The following THOC1 variants were observed in gnomAD, a reference collection of about 807,000 sequenced individuals.
The protein encoded by THOC1 is THO complex subunit 1.
THOC1 carries 29 observed loss-of-function variants against 97.3 expected under a neutral mutation model. The observed-to-expected ratio is 0.30, with a 90% CI of 0.22 to 0.41. The LOEUF (loss-of-function observed/expected upper bound fraction) is 0.41. THOC1 is among the 10% of genes least tolerant of loss of function. THOC1 has a pLI of 1.00. For missense variants in THOC1, 529 were observed against 761.9 expected, an observed-to-expected ratio of 0.69 and a Z score of 3.60; for synonymous variants, 255 against 257.0, an observed-to-expected ratio of 0.99 and a Z score of 0.07.
At chr18:229,902 T>C (rs1201567173) in intron 11 of THOC1, among the ~76,000 whole-genome samples, 1 of 151,330 alleles carries the variant, frequency 6.6e-6, no homozygotes, top group Non-Finnish European at 1.5e-5. Context: ...TTTCAGTATT[T>C]TCTTCTCTTC....
rs115736845 is a variant in THOC1 at position 232,995 on chromosome 18, C to T, written c.919-6094G>A. ...CAAATAATCTTCTCCCAGTCTGTGC[C>T]TTGTCTTTTTACTTTGCCTACGGTA... On this transcript the variant is annotated intron_variant, in intron 11 of 20. Transcript: ENST00000261600. 6.9e-3 allele frequency among the ~76,000 whole-genome samples: 1,054 copies of T among 152,200 alleles called. 21 individuals are homozygous for T. Among genetic ancestry groups the T allele is most frequent in the African/African-American group, 0.025 (1,022 of 41,528 alleles).
intron 4 of THOC1, among the ~76,000 whole-genome samples, chr18:262,286 G>T (rs1912627911): frequency 6.6e-6 from 1 of 152,148 alleles, no homozygotes; most frequent in Non-Finnish European, 1.5e-5. Context: ...GCTTTTTAAG[G>T]TTAGGCATTT....
intron 9 of THOC1, among the ~76,000 whole-genome samples, chr18:250,484 G>C (rs183709872): frequency 1.2e-4 from 19 of 152,216 alleles, no homozygotes; most frequent in African/African-American, 4.6e-4. Context: ...AGAATGTCTT[G>C]TAACTATTTT....
chr18:231,079 A>G (rs544712485), intron 11 of THOC1, among the ~76,000 whole-genome samples: 7 of 152,228 alleles, frequency 4.6e-5, no homozygotes, highest in Admixed American at 3.3e-4. Flanking sequence ...ATGTCTTTGT[A>G]TCTTGAGCAA....
chr18:222,159 T>C (rs1371174411), intron 17 of THOC1, among the ~76,000 whole-genome samples: 2 of 152,242 alleles, frequency 1.3e-5, no homozygotes, highest in African/African-American at 2.4e-5. Flanking sequence ...CATAACATTC[T>C]TTAATTCTGA....
intron 11 of THOC1, among the ~76,000 whole-genome samples, chr18:232,946 A>T (rs1911535514): frequency 6.6e-6 from 1 of 152,126 alleles, no homozygotes; most frequent in African/African-American, 2.4e-5. Context: ...TTTGAATACT[A>T]ATTTTTCCCG....
At chr18:256,531 A>G (rs942860937) in intron 7 of THOC1, among the ~76,000 whole-genome samples, 6 of 152,230 alleles carry the variant, frequency 3.9e-5, no homozygotes, top group Admixed American at 2.6e-4. Flanking sequence ...ATGAGCAAAG[A>G]AAGTGGTTTC....
At chr18:225,644 C>G (rs1387026396) in intron 12 of THOC1, 2 of 492,670 alleles carry the variant, frequency 4.1e-6, no homozygotes, top group African/African-American at 3.9e-5. Context: ...ATTAATCAAT[C>G]AGATTCACTA....
chr18:260,361 C>T, intron 4 of THOC1, 57 bp from the exon 5 acceptor site: 3 of 1,087,620 alleles, frequency 2.8e-6, no homozygotes, highest in Middle Eastern at 2.3e-4. Context: ...GTAGAATAGC[C>T]TATGAAAAAT....
At chr18:256,465 G>C (rs1339463394) in intron 7 of THOC1, among the ~76,000 whole-genome samples, 1 of 152,212 alleles carries the variant, frequency 6.6e-6, no homozygotes, top group African/African-American at 2.4e-5. Context: ...AGATATGACA[G>C]AATTGCTGCA....
At position 224,071 on chromosome 18, in the gene THOC1, C is replaced by A. The variant is rs1158256167; in HGVS notation, c.1304+13G>T. On this transcript the variant is annotated intron_variant, in intron 16 of 20. Transcript: ENST00000261600. ...TAACTAAGAACATCCCACATGAAGA[C>A]AAATTCACCTACTTTCCCATCAGAA... 6.4e-7 allele frequency: 1 copy of A among 1,556,152 alleles called. No homozygotes were observed.
intron 11 of THOC1, among the ~76,000 whole-genome samples, chr18:235,990 G>T (rs1412378008): frequency 6.6e-6 from 1 of 152,086 alleles, no homozygotes; most frequent in African/African-American, 2.4e-5. Flanking sequence ...TATTTTGAGG[G>T]TATATTGTTA....
At position 246,387 on chromosome 18, in the gene THOC1, C is replaced by CT; in HGVS notation, c.854dup (p.Met286AspfsTer20). On this transcript the variant is annotated frameshift_variant, in exon 11 of 21. Coordinates refer to ENST00000261600, the MANE Select transcript of THOC1 (RefSeq NM_005131.3). LOFTEE classifies it high-confidence loss of function. Reference sequence around the variant, plus strand: ...CTCCTCCTGTTTTCAATTCTTCCATCTTTTTTCTTGAGGCCTGAGTATCAT... The same window carrying CT: ...CTCCTCCTGTTTTCAATTCTTCCATCTTTTTTTCTTGAGGCCTGAGTATCAT... 6.2e-7 allele frequency: 1 copy of CT among 1,604,802 alleles called. No individual in the cohort carries two copies. The highest frequency in any genetic ancestry group is 1.1e-5 in the South Asian group (1 of 90,414).
Position 243,871 on chromosome 18 carries a change from C to CT in THOC1, c.918+2452dup, listed in dbSNP as rs970299579. Among the ~76,000 whole-genome samples the CT allele has an allele frequency of 6.0e-4, 91 of 152,282 alleles. 1 individual carries two copies. The highest frequency in any genetic ancestry group is 1.8e-3 in the African/African-American group (74 of 41,566). Reference sequence around the variant, plus strand: ...ATAGCTGGAGTTTTAAAAATCCAATCTGATAAAGTCTTATTAGGTATATTA... The same window carrying CT: ...ATAGCTGGAGTTTTAAAAATCCAATCTTGATAAAGTCTTATTAGGTATATTA... On this transcript the variant is annotated intron_variant, in intron 11 of 20. Coordinates refer to ENST00000261600, the MANE Select transcript of THOC1 (RefSeq NM_005131.3).
At chr18:225,444 A>G (rs1262892781) in intron 12 of THOC1, 41 bp from the exon 13 acceptor site, 1 of 1,543,502 alleles carries the variant, frequency 6.5e-7, no homozygotes, top group Non-Finnish European at 8.9e-7. Flanking sequence ...AGTTACAGCA[A>G]TGCATATGCA....
In THOC1 at chr18:214,773, C is replaced by T. The variant is rs1215838101; in HGVS notation, c.1827G>A (p.Met609Ile). The change falls in exon 21 of 21, where the codon ATG becomes ATA. Residue 609 changes from methionine to isoleucine, a missense_variant. Physicochemically the swap from Met to Ile is conservative, Grantham distance 10 (BLOSUM62 1). Coordinates refer to ENST00000261600, the MANE Select transcript of THOC1 (RefSeq NM_005131.3). ...CCAGGAGCTGCTTAGCTCTCATCTT[C>T]ATGTCTTCACTGTCACACTCAATCT... Reference protein sequence around the residue: ...IRQIECDSEDMKMRAKQLLVA... With the variant: ...IRQIECDSEDIKMRAKQLLVA... 6.2e-7 allele frequency: 1 copy of T among 1,613,968 alleles called. No individual in the cohort carries two copies. The highest frequency in any genetic ancestry group is 1.3e-5 in the African/African-American group (1 of 75,040).
intron 12 of THOC1, 42 bp from the exon 13 acceptor site, chr18:225,445 T>G (rs768149815): frequency 5.2e-6 from 8 of 1,543,634 alleles, no homozygotes; most frequent in African/African-American, 1.4e-5. Flanking sequence ...GTTACAGCAA[T>G]GCATATGCAA....
intron 11 of THOC1, among the ~76,000 whole-genome samples, chr18:235,698 A>G (rs1911656172): frequency 6.6e-6 from 1 of 152,156 alleles, no homozygotes; most frequent in Non-Finnish European, 1.5e-5. Flanking sequence ...TTACAGAGAA[A>G]TGTGGCCAGA....
At chr18:227,293 A>G (rs1443932743) in intron 11 of THOC1, among the ~76,000 whole-genome samples, 1 of 152,166 alleles carries the variant, frequency 6.6e-6, no homozygotes, top group Non-Finnish European at 1.5e-5. Flanking sequence ...CAGTCTGAGC[A>G]ACATAGCAAG....
Sources: allele counts gnomAD v4.1 joint callset (sites outside exome capture counted in the v4.1 genomes callset), GRCh38; gene constraint gnomAD v4.1.1; transcripts MANE v1.5; gene names NCBI Gene and HGNC (gene_info 2026-07-23, HGNC 2026-07-21).